Variants in FCHSD2 observed in about 807,000 individuals in gnomAD.
The protein encoded by FCHSD2 is FCH and double SH3 domains 2.
Under a neutral mutation model 108.1 loss-of-function variants are expected in FCHSD2, and 38 were observed. The observed-to-expected ratio is 0.35, with a 90% CI of 0.27 to 0.46. FCHSD2 has a LOEUF of 0.46. Among genes scored for constraint, FCHSD2 ranks in the 20% least tolerant of loss-of-function variants. The probability of loss-of-function intolerance (pLI) is 1.00; values close to 1 mark genes in which losing one functional copy is unlikely to be tolerated. For missense variants in FCHSD2, 751 were observed against 897.8 expected (o/e 0.84, Z 2.09); for synonymous variants, 279 against 314.7 (o/e 0.89, Z 1.20).
intron 9 of FCHSD2, among the ~76,000 whole-genome samples, chr11:72,913,575 A>T (rs1855807708): frequency 6.6e-6 from 1 of 152,018 alleles, no homozygotes; most frequent in Admixed American, 6.6e-5. Context: ...AGCCCTATTT[A>T]TCCATTTCTT....
chr11:73,061,995 C>CTGGGAGA (rs1859177354), intron 3 of FCHSD2, among the ~76,000 whole-genome samples: 1 of 152,150 alleles, frequency 6.6e-6, no homozygotes, highest in Admixed American at 6.5e-5. Context: ...GGGTCCCTGA[C>CTGGGAGA]CCCTGTTCCT....
chr11:72,919,856 A>T (rs1214942660), intron 9 of FCHSD2, among the ~76,000 whole-genome samples: 1 of 152,118 alleles, frequency 6.6e-6, no homozygotes, highest in East Asian at 1.9e-4. Context: ...ATAAAATTAG[A>T]AATAAAAATG....
intron 11 of FCHSD2, among the ~76,000 whole-genome samples, 178 bp downstream of exon 11, chr11:72,889,651 T>C (rs1285818905): frequency 6.6e-6 from 1 of 152,180 alleles, no homozygotes; most frequent in Non-Finnish European, 1.5e-5. Flanking sequence ...AGGTTGAAGC[T>C]GCAGTAAGCC....
chr11:72,895,761 A>G lies in FCHSD2; in HGVS notation c.925-5816T>C, dbSNP rs74703494. On this transcript the variant is annotated intron_variant, in intron 10 of 19. Transcript: ENST00000409418. ...AACTGTCAGTATTGCTAATTCTAAA[A>G]CGCAACACTCATGTCTTTAGTCAAA... Among the ~76,000 whole-genome samples, 3 of 152,290 alleles carry G rather than the reference A, an allele frequency of 2.0e-5. No individual in the cohort carries two copies. In the East Asian group the frequency reaches 5.8e-4, roughly 29 times the overall value.
At chr11:72,855,421 A>G (rs1861402423) in intron 13 of FCHSD2, among the ~76,000 whole-genome samples, 1 of 152,146 alleles carries the variant, frequency 6.6e-6, no homozygotes, top group South Asian at 2.1e-4. Flanking sequence ...GGTTGCAGTG[A>G]GCCAAGATCA....
chr11:72,886,760 A>C (rs976245010), intron 12 of FCHSD2, among the ~76,000 whole-genome samples: 1 of 151,930 alleles, frequency 6.6e-6, no homozygotes, highest in Admixed American at 6.6e-5. Flanking sequence ...ACCAAATTAT[A>C]CTCTGTGTCT....
intron 8 of FCHSD2, among the ~76,000 whole-genome samples, chr11:72,962,474 G>A (rs551362190): frequency 6.6e-6 from 1 of 152,072 alleles, no homozygotes; most frequent in Non-Finnish European, 1.5e-5. Flanking sequence ...GAGAACCTCT[G>A]GTATAAGCGA....
intron 14 of FCHSD2, among the ~76,000 whole-genome samples, chr11:72,846,438 G>A (rs565861632): frequency 3.9e-5 from 6 of 151,996 alleles, no homozygotes; most frequent in Admixed American, 6.6e-5. Flanking sequence ...CCTTGGCCCC[G>A]CAACGTGCTG....
chr11:72,900,175 T>A, intron 10 of FCHSD2: 1 of 968,982 alleles, frequency 1.0e-6, no homozygotes, highest in East Asian at 2.6e-5. Context: ...ATAACTTTCA[T>A]CCCAACACCA....
At chr11:72,924,360 C>T (rs1011949849) in intron 8 of FCHSD2, among the ~76,000 whole-genome samples, 8 of 152,048 alleles carry the variant, frequency 5.3e-5, no homozygotes, top group African/African-American at 1.9e-4. Flanking sequence ...TCACTGCAAG[C>T]TCTGCCTCCT....
At chr11:73,129,729 CCT>C (rs1393196759) in intron 2 of FCHSD2, among the ~76,000 whole-genome samples, 1 of 152,106 alleles carries the variant, frequency 6.6e-6, no homozygotes, top group Admixed American at 6.5e-5. Flanking sequence ...AAACCATCCC[CCT>C]GACCCCACCC....
intron 2 of FCHSD2, among the ~76,000 whole-genome samples, chr11:73,107,612 C>T (rs1860376930): frequency 6.6e-6 from 1 of 152,214 alleles, no homozygotes; most frequent in Non-Finnish European, 1.5e-5. Context: ...CCCTTCCCAG[C>T]CTCCAGTAAA....
chr11:73,063,151 A>T (rs1859206754), intron 3 of FCHSD2, among the ~76,000 whole-genome samples: 1 of 152,214 alleles, frequency 6.6e-6, no homozygotes, highest in Non-Finnish European at 1.5e-5. Context: ...CTTAAAGAAA[A>T]GAATTTTCAA....
At chr11:72,867,727 T>C (rs965404023) in intron 13 of FCHSD2, 138 bp downstream of exon 13, 45 of 674,996 alleles carry the variant, frequency 6.7e-5, no homozygotes, top group Non-Finnish European at 9.8e-6. Context: ...CAATTAGTGA[T>C]AGGCTGAAGA....
At chr11:72,948,274 C>T (rs1267765341) in intron 8 of FCHSD2, among the ~76,000 whole-genome samples, 1 of 152,166 alleles carries the variant, frequency 6.6e-6, no homozygotes, top group Non-Finnish European at 1.5e-5. Flanking sequence ...TCCCAAAATG[C>T]TGGGATTACA....
Position 73,010,576 on chromosome 11 carries a change from T to C in FCHSD2, c.242+5233A>G, listed in dbSNP as rs188253689. Among the ~76,000 whole-genome samples the C allele has an allele frequency of 1.6e-4, 25 of 152,342 alleles. No individual in the cohort carries two copies. The East Asian group carries it at 4.4e-3, about 27-fold the overall frequency. ...TTTTCCTGAAGATAGATCTATGGTG[T>C]TGTTTGGTAGGGCCCTTTGGCCTTG... On this transcript the variant is annotated intron_variant, in intron 4 of 19. Coordinates refer to ENST00000409418, the MANE Select transcript of FCHSD2 (RefSeq NM_014824.3).
Position 72,838,819 on chromosome 11 carries a change from A to T in FCHSD2, c.2195T>A (p.Ile732Asn). ...TQNHRRPAEK[I>N]EDVEITLV The stretch of plus-strand genomic sequence containing the variant: ...CACCAGTGTGATTTCCACATCTTCA[A>T]TCTTCTCTGCTGGCCTTCGGTGATT... The change falls in exon 20 of 20, where the codon ATT becomes AAT. Residue 732 changes from isoleucine to asparagine, a missense_variant. Ile to Asn is a moderately radical substitution (Grantham distance 149, BLOSUM62 -3). Transcript: ENST00000409418. The T allele has an allele frequency of 6.2e-7, 1 of 1,607,132 alleles. No individual in the cohort carries two copies. Among genetic ancestry groups the T allele is most frequent in the Non-Finnish European group, 8.5e-7 (1 of 1,177,762 alleles).
At chr11:72,965,000 A>G (rs1856881013) in intron 8 of FCHSD2, among the ~76,000 whole-genome samples, 1 of 152,068 alleles carries the variant, frequency 6.6e-6, no homozygotes, top group Admixed American at 6.6e-5. Flanking sequence ...TGTGTTAGCC[A>G]GGATGGTCTC....
intron 3 of FCHSD2, among the ~76,000 whole-genome samples, chr11:73,025,678 A>T (rs1410909877): frequency 2.0e-5 from 3 of 152,196 alleles, no homozygotes; most frequent in Non-Finnish European, 4.4e-5. Flanking sequence ...GAATTTTAAA[A>T]ATTTTTTAAA....
Sources: allele counts gnomAD v4.1 joint callset (sites outside exome capture counted in the v4.1 genomes callset), GRCh38; gene constraint gnomAD v4.1.1; transcripts MANE v1.5; gene names NCBI Gene and HGNC (gene_info 2026-07-23, HGNC 2026-07-21).